SNURF: variants seen among roughly 807,000 people sequenced by gnomAD.
SNURF encodes the protein SNRPN upstream open reading frame.
SNURF carries 6 observed loss-of-function variants against 11.6 expected under a neutral mutation model. The observed-to-expected ratio is 0.52, with a 90% CI of 0.28 to 1.02. The LOEUF (loss-of-function observed/expected upper bound fraction) is 1.02, where lower values mean the gene tolerates loss of function less well. Among genes scored for constraint, SNURF ranks in the 50% least tolerant of loss-of-function variants. The probability of loss-of-function intolerance (pLI) is 0.09; values close to 1 mark genes in which losing one functional copy is unlikely to be tolerated. For missense variants in SNURF, 84 were observed against 88.4 expected (o/e 0.95, Z 0.20); for synonymous variants, 29 against 31.6 (o/e 0.92, Z 0.27).
chr15:24,977,129 A>G (rs2077148088), intron 6 of SNURF: 8 of 943,542 alleles, frequency 8.5e-6, no homozygotes, highest in Non-Finnish European at 1.2e-5. Flanking sequence ...TACAATGTAA[A>G]CAGCATATGG....
chr15:24,961,719 A>G (rs2074854829), intron 1 of SNURF, among the ~76,000 whole-genome samples: 1 of 152,120 alleles, frequency 6.6e-6, no homozygotes, highest in Non-Finnish European at 1.5e-5. Flanking sequence ...TGTATCCTAA[A>G]AATATTTTTT....
intron 2 of SNURF, among the ~76,000 whole-genome samples, chr15:24,962,873 C>G (rs982721403): frequency 6.6e-6 from 1 of 151,980 alleles, no homozygotes. Context: ...AAATTTTGAT[C>G]AGTAGGTAGC....
chr15:24,976,138 C>T (rs907713840), intron 4 of SNURF, among the ~76,000 whole-genome samples: 6 of 152,138 alleles, frequency 3.9e-5, no homozygotes. Flanking sequence ...ACTATTTACC[C>T]TTGTATATTA....
chr15:24,960,707 C>A (rs955679815), intron 1 of SNURF, among the ~76,000 whole-genome samples: 1 of 152,064 alleles, frequency 6.6e-6, no homozygotes, highest in African/African-American at 2.4e-5. Flanking sequence ...AGTGTTTTAC[C>A]CATCGTAGCA....
intron 2 of SNURF, among the ~76,000 whole-genome samples, chr15:24,966,104 AT>A (rs977427176): frequency 2.2e-4 from 33 of 152,274 alleles, no homozygotes; most frequent in Admixed American, 6.5e-4. Flanking sequence ...AGTTGTCTAG[AT>A]GCCCTCCAGA....
chr15:24,977,275 T>C (rs2077166057), intron 6 of SNURF, among the ~76,000 whole-genome samples: 2 of 152,280 alleles, frequency 1.3e-5, no homozygotes, highest in South Asian at 4.1e-4. Flanking sequence ...GTGAACAGAA[T>C]GCATGGATAT....
chr15:24,974,373 A>C (rs770742454), intron 3 of SNURF: 38 of 1,337,748 alleles, frequency 2.8e-5, no homozygotes, highest in Non-Finnish European at 3.8e-5. Context: ...CCTGCGTCAT[A>C]CCTTTATCTA....
At chr15:24,955,827 C>T (rs1357153878) in intron 1 of SNURF, among the ~76,000 whole-genome samples, 1 of 150,508 alleles carries the variant, frequency 6.6e-6, no homozygotes, top group South Asian at 2.1e-4. Flanking sequence ...CGGCGGTAGG[C>T]ATGGCGGCGG....
intron 1 of SNURF, among the ~76,000 whole-genome samples, chr15:24,960,043 TC>T (rs879444645): frequency 2.6e-5 from 4 of 152,008 alleles, no homozygotes; most frequent in Non-Finnish European, 4.4e-5. Context: ...GGTGGGTAGA[TC>T]ACCTGAGGGC....
chr15:24,978,433 C>T (rs2153723319), downstream of SNURF: 1 of 1,613,856 alleles, frequency 6.2e-7, no homozygotes, highest in Non-Finnish European at 8.5e-7. Flanking sequence ...AATGCGTCCA[C>T]CAAGACCTTA....
downstream of SNURF, among the ~76,000 whole-genome samples, chr15:24,970,829 A>G (rs1372684307): frequency 6.6e-6 from 1 of 152,160 alleles, no homozygotes; most frequent in African/African-American, 2.4e-5. Context: ...TTTGTTAAAT[A>G]AACCTTTCCA....
At chr15:24,964,378 C>T (rs577708554) in intron 2 of SNURF, among the ~76,000 whole-genome samples, 34 of 152,070 alleles carry the variant, frequency 2.2e-4, no homozygotes, top group African/African-American at 5.5e-4. Flanking sequence ...GTGCAACCTC[C>T]GCCTACCAAG....
At chr15:24,977,114 T>A in intron 6 of SNURF, 11 of 1,046,622 alleles carry the variant, frequency 1.1e-5, no homozygotes, top group South Asian at 1.8e-5. Flanking sequence ...TAAGTGTATG[T>A]GTCATACAAT....
chr15:24,977,377 C>T (rs576294884), intron 6 of SNURF, among the ~76,000 whole-genome samples: 21 of 152,100 alleles, frequency 1.4e-4, no homozygotes, highest in Non-Finnish European at 2.1e-4. Context: ...CAGTGGCTTA[C>T]GCCTGTAATC....
chr15:24,955,019 G>C lies in SNURF; in HGVS notation c.-30G>C, dbSNP rs199920294. 1.2e-3 allele frequency: 1,913 copies of C among 1,612,280 alleles called. 3 individuals are homozygous for C. Among genetic ancestry groups the C allele is most frequent in the Middle Eastern group, 1.8e-3 (9 of 5,054 alleles). ...GGAGCGGCCGCCGGAGATGCCTGACGCATCTGTCTGAGGAGCGGTCAGTGA... is the reference window on the plus strand; with the variant it reads ...GGAGCGGCCGCCGGAGATGCCTGACCCATCTGTCTGAGGAGCGGTCAGTGA... On this transcript the variant is annotated 5_prime_UTR_variant, in exon 1 of 3. Coordinates refer to ENST00000577949, the Ensembl canonical transcript of SNURF.
chr15:24,977,765 C>G (rs752739804), intron 6 of SNURF: 1 of 1,581,174 alleles, frequency 6.3e-7, no homozygotes, highest in Non-Finnish European at 8.6e-7. Flanking sequence ...TGTTTCCCGC[C>G]CTGCCTTCTC....
At chr15:24,961,020 A>G (rs2074711639) in intron 1 of SNURF, among the ~76,000 whole-genome samples, 1 of 152,104 alleles carries the variant, frequency 6.6e-6, no homozygotes, top group South Asian at 2.1e-4. Flanking sequence ...TGTTAAGCAA[A>G]TATTTTTTCC....
At chr15:24,955,907 G>A (rs1042200391) in intron 1 of SNURF, among the ~76,000 whole-genome samples, 16 of 151,922 alleles carry the variant, frequency 1.1e-4, no homozygotes, top group Non-Finnish European at 1.5e-4. Context: ...ACTAAGGGAC[G>A]CTGAATGATT....
downstream of SNURF, among the ~76,000 whole-genome samples, chr15:24,972,382 T>C (rs78275391): frequency 2.6e-5 from 4 of 152,224 alleles, no homozygotes; most frequent in East Asian, 7.7e-4. Flanking sequence ...AAACTCTTAC[T>C]CATATTTAGG....
Sources: allele counts gnomAD v4.1 joint callset (sites outside exome capture counted in the v4.1 genomes callset), GRCh38; gene constraint gnomAD v4.1.1; transcripts MANE v1.5; gene names NCBI Gene and HGNC (gene_info 2026-07-23, HGNC 2026-07-21).